The following MINDY4B variants were observed in gnomAD, a reference collection of about 807,000 sequenced individuals.
MINDY4B encodes the protein MINDY family member 4B.
In MINDY4B, 25 loss-of-function variants were observed where a neutral mutation model predicts 16.7. That is an observed-to-expected ratio of 1.49 (90% CI 1.09 to 2.09). The LOEUF (loss-of-function observed/expected upper bound fraction) is 2.09. Ranked by LOEUF, MINDY4B falls within the 30% of genes most tolerant of loss-of-function variation. The pLI is 0.00. For synonymous variants in MINDY4B, 132 were observed against 61.9 expected, an observed-to-expected ratio of 2.13 and a Z score of -5.32; for missense variants, 327 against 168.4, an observed-to-expected ratio of 1.94 and a Z score of -5.21.
At chr3:150,876,739 G>A (rs555904076) in intron 10 of MINDY4B, among the ~76,000 whole-genome samples, 7 of 152,284 alleles carry the variant, frequency 4.6e-5, no homozygotes, top group African/African-American at 9.6e-5. Context: ...CAGGGCTGCC[G>A]TAGGAGTAAT....
chr3:150,892,097 A>C (rs917849856), intron 5 of MINDY4B, among the ~76,000 whole-genome samples: 10 of 152,118 alleles, frequency 6.6e-5, no homozygotes, highest in Non-Finnish European at 1.3e-4. Flanking sequence ...CCATTTTTCT[A>C]CTTTCTCTGA....
In MINDY4B at chr3:150,885,368, CT is replaced by C. The variant is rs1467064101; in HGVS notation, c.823del (p.Arg275GlyfsTer6). On this transcript the variant is annotated frameshift_variant and splice_region_variant, in exon 8 of 12. Transcript: ENST00000465419. LOFTEE classifies it high-confidence loss of function. The part of the protein sequence containing the change: ...YSLIFSRTFE[R>X]LQMDLDVTTT... ...CTGTGTAAACATCTGTAGAATTTAC[CT>C]TTCAAATGTTCTAGAGAAGATCAGG... The C allele has an allele frequency of 1.4e-6, 1 of 702,686 alleles. No homozygotes were observed. The highest frequency in any genetic ancestry group is 1.5e-5 in the South Asian group (1 of 67,580). 43.5% of individuals were successfully genotyped at this position (702,686 alleles called of 1,614,324 possible).
chr3:150,898,887 G>C (rs926138432), intron 3 of MINDY4B, among the ~76,000 whole-genome samples: 1 of 152,122 alleles, frequency 6.6e-6, no homozygotes, highest in Non-Finnish European at 1.5e-5. Flanking sequence ...TTTGTCCCGG[G>C]TTTAGAGCTT....
In MINDY4B at chr3:150,870,834, TG is replaced by T. The variant is rs1157783690; in HGVS notation, c.*210del. On this transcript the variant is annotated 3_prime_UTR_variant, in exon 12 of 12. Transcript: ENST00000465419. The stretch of plus-strand genomic sequence containing the variant: ...TACGGAGGAGGCACCATGCAGGCCC[TG>T]GTGTGGGGGCCTGTGTTTCTCCTAC... 6.6e-6 allele frequency among the ~76,000 whole-genome samples: 1 copy of T among 152,216 alleles called. No homozygotes were observed. Among genetic ancestry groups the T allele is most frequent in the Non-Finnish European group, 1.5e-5 (1 of 68,030 alleles).
At chr3:150,880,649 C>T (rs4541447) in intron 10 of MINDY4B, among the ~76,000 whole-genome samples, 112,020 of 152,084 alleles carry the variant, frequency 0.74, 41,955 homozygotes, top group Non-Finnish European at 0.81. Context: ...ATATGAGAAA[C>T]GCTGTTTTAA....
intron 3 of MINDY4B, among the ~76,000 whole-genome samples, chr3:150,899,359 C>G (rs1267510795): frequency 6.6e-6 from 1 of 152,164 alleles, no homozygotes; most frequent in East Asian, 1.9e-4. Context: ...ACATTTAAGA[C>G]AGAGACTATT....
At position 150,873,300 on chromosome 3, in the gene MINDY4B, ATGCTGTAATT is replaced by A. The variant is rs1349329738; in HGVS notation, c.1117_1126del (p.Asn373SerfsTer38). ...GAGCTGCCTGTTTGTGCAAAAAAGGATGCTGTAATTTCCATTGATGTTGCACAGCCAAATA... is the reference window on the plus strand; with the variant it reads ...GAGCTGCCTGTTTGTGCAAAAAAGGATCCATTGATGTTGCACAGCCAAATA... On this transcript the variant is annotated frameshift_variant, in exon 11 of 12. Transcript: ENST00000465419. LOFTEE classifies it high-confidence loss of function. 1 of 702,890 alleles carries A rather than the reference ATGCTGTAATT, an allele frequency of 1.4e-6. No individual in the cohort carries two copies. Among genetic ancestry groups the A allele is most frequent in the African/African-American group, 1.7e-5 (1 of 57,372 alleles). 43.5% of individuals were successfully genotyped at this position (702,890 alleles called of 1,614,324 possible).
At chr3:150,887,884 G>A (rs879607165) in intron 7 of MINDY4B, among the ~76,000 whole-genome samples, 3 of 152,202 alleles carry the variant, frequency 2.0e-5, no homozygotes, top group East Asian at 1.9e-4. Flanking sequence ...TGAGGCGGGC[G>A]GATCACGAGG....
chr3:150,891,026 G>T lies in MINDY4B; in HGVS notation c.599C>A (p.Ala200Glu), dbSNP rs1227886878. The T allele has an allele frequency of 1.4e-6, 1 of 702,778 alleles. No individual in the cohort carries two copies. Among genetic ancestry groups the T allele is most frequent in the African/African-American group, 1.7e-5 (1 of 57,272 alleles). The allele number at this position is 702,778 out of a possible 1,614,324, so 43.5% of individuals were successfully genotyped here. Residue 200 changes from alanine to glutamate, a missense_variant, in exon 6 of 12, where the codon GCA (alanine) becomes GAA (glutamate). Transcript: ENST00000465419. ...AAGACAGATGGTGGCCTTCTGAGCT[G>T]CTCCTGCAGCCCACAGGATGCCAGC... ...ALAGILWAAG[A>E]AQKATICLVT...
chr3:150,883,870 G>A (rs1047981691), intron 8 of MINDY4B, 98 bp from the exon 9 acceptor site: 2 of 674,062 alleles, frequency 3.0e-6, no homozygotes, highest in African/African-American at 3.5e-5. Context: ...AGTAACACGG[G>A]CTCTCCTAGT....
At chr3:150,877,381 C>T (rs61401791) in intron 10 of MINDY4B, among the ~76,000 whole-genome samples, 6,008 of 152,184 alleles carry the variant, frequency 0.039, 393 homozygotes, top group African/African-American at 0.14. Flanking sequence ...GGGTCTCATA[C>T]AGAATCAGAA....
intron 7 of MINDY4B, among the ~76,000 whole-genome samples, chr3:150,889,282 C>A (rs887749072): frequency 6.6e-6 from 1 of 152,244 alleles, no homozygotes; most frequent in Non-Finnish European, 1.5e-5. Context: ...CTAGTCCTTA[C>A]CAGTTTCTAA....
chr3:150,888,200 C>A (rs1048104831), intron 7 of MINDY4B, among the ~76,000 whole-genome samples: 4 of 152,000 alleles, frequency 2.6e-5, no homozygotes, highest in African/African-American at 9.7e-5. Flanking sequence ...GCCGCCATTC[C>A]TTGGCTTGGA....
At chr3:150,885,869 A>T (rs904851142) in intron 7 of MINDY4B, among the ~76,000 whole-genome samples, 2 of 152,124 alleles carry the variant, frequency 1.3e-5, no homozygotes, top group East Asian at 3.9e-4. Context: ...TTGGAGTTAT[A>T]CACCTCGGTT....
Position 150,870,976 on chromosome 3 carries a change from C to T in MINDY4B, c.*69G>A. The T allele has an allele frequency of 1.5e-6, 1 of 653,806 alleles. No individual in the cohort carries two copies. Among genetic ancestry groups the T allele is most frequent in the Non-Finnish European group, 2.8e-6 (1 of 362,656 alleles). The allele number at this position is 653,806 out of a possible 1,614,324, so 40.5% of individuals were successfully genotyped here. A position where few individuals can be genotyped will look rare whatever the true frequency, so the allele number is the denominator to read the frequency against. ...GAGAAATATGGAAACGATTGGTCTCCCCCACATTAGGCTTTTGCATCCCAG... is the reference window on the plus strand; with the variant it reads ...GAGAAATATGGAAACGATTGGTCTCTCCCACATTAGGCTTTTGCATCCCAG... On this transcript the variant is annotated 3_prime_UTR_variant, in exon 12 of 12. Transcript: ENST00000465419.
intron 10 of MINDY4B, among the ~76,000 whole-genome samples, chr3:150,881,447 G>A (rs1005772373): frequency 6.6e-6 from 1 of 151,558 alleles, no homozygotes; most frequent in South Asian, 2.1e-4. Flanking sequence ...TGTGTTAAAC[G>A]AGAAAAGCAG....
At chr3:150,892,057 A>G (rs1711829212) in intron 5 of MINDY4B, among the ~76,000 whole-genome samples, 2 of 152,214 alleles carry the variant, frequency 1.3e-5, no homozygotes, top group African/African-American at 4.8e-5. Flanking sequence ...AGATGGACTC[A>G]TCCTCCAGCT....
chr3:150,879,610 T>A (rs1426243593), intron 10 of MINDY4B, among the ~76,000 whole-genome samples: 1 of 152,158 alleles, frequency 6.6e-6, no homozygotes, highest in Non-Finnish European at 1.5e-5. Context: ...TGGGGCCCAG[T>A]GCAAAATGAA....
At chr3:150,893,505 C>T in intron 4 of MINDY4B, 90 bp from the exon 5 acceptor site, 1 of 694,052 alleles carries the variant, frequency 1.4e-6, no homozygotes, top group East Asian at 2.7e-5. Flanking sequence ...TCCTGGTATC[C>T]CCCAGAGCTT....
Sources: gnomAD v4.1 joint callset for allele counts (sites outside exome capture counted in the v4.1 genomes callset) on GRCh38, gnomAD v4.1.1 for gene constraint, MANE v1.5 for transcripts, NCBI Gene and HGNC (gene_info 2026-07-23, HGNC 2026-07-21) for gene names.